DOCK1: variants seen among roughly 807,000 people sequenced by gnomAD.
DOCK1 encodes the protein dedicator of cytokinesis protein 1.
DOCK1 carries 138 observed loss-of-function variants against 262.7 expected under a neutral mutation model. The ratio of observed to expected loss-of-function variants is 0.53; its 90% CI spans 0.46 to 0.61. DOCK1 has a LOEUF of 0.61. Ranked by LOEUF, DOCK1 falls within the 20% of genes least tolerant of loss-of-function variation. The pLI, the probability that DOCK1 is intolerant of heterozygous loss-of-function variation, is 0.00. For synonymous variants in DOCK1, 866 were observed against 867.4 expected (o/e 1.00, Z 0.03); for missense variants, 1,908 against 2,370.7 (o/e 0.80, Z 4.05).
intron 23 of DOCK1, among the ~76,000 whole-genome samples, chr10:127,088,320 G>A (rs2047318413): frequency 6.6e-6 from 1 of 152,144 alleles, no homozygotes; most frequent in Non-Finnish European, 1.5e-5. Context: ...ACATTCTTCT[G>A]CAACAAAACA....
At chr10:127,261,292 TGTGG>T (rs2060089269) in intron 29 of DOCK1, among the ~76,000 whole-genome samples, 1 of 100,304 alleles carries the variant, frequency 1.0e-5, no homozygotes, top group African/African-American at 4.1e-5. Flanking sequence ...TGTGTGTGCA[TGTGG>T]GTGTGTGTGT....
intron 47 of DOCK1, among the ~76,000 whole-genome samples, chr10:127,426,506 A>C (rs2134555598): frequency 6.6e-6 from 1 of 152,346 alleles, no homozygotes; most frequent in African/African-American, 2.4e-5. Flanking sequence ...TGAAATTATT[A>C]GTGAAGATTT....
In DOCK1 at chr10:126,987,520, G is replaced by T; in HGVS notation, c.228-1G>T. On this transcript the variant is annotated splice_acceptor_variant, in intron 4 of 51. Coordinates refer to ENST00000623213, the MANE Select transcript of DOCK1 (RefSeq NM_001290223.2). LOFTEE classifies it high-confidence loss of function. ...GCTGCTCTTTCCTTCTTTCCTCCCA[G>T]GCAACATGAAACAGTCATCCCGGGT... The T allele has an allele frequency of 6.3e-7, 1 of 1,575,026 alleles. No homozygotes were observed.
At chr10:126,920,740 A>G (rs1333453585) in intron 1 of DOCK1, among the ~76,000 whole-genome samples, 2 of 152,226 alleles carry the variant, frequency 1.3e-5, no homozygotes, top group African/African-American at 2.4e-5. Context: ...TAAACCTAGA[A>G]CTACCATCTG....
At chr10:127,416,821 G>A (rs991110977) in intron 44 of DOCK1, among the ~76,000 whole-genome samples, 7 of 152,230 alleles carry the variant, frequency 4.6e-5, no homozygotes, top group African/African-American at 1.7e-4. Context: ...ATGTCGTAGG[G>A]CCTGGCAAAG....
intron 27 of DOCK1, among the ~76,000 whole-genome samples, chr10:127,215,959 A>C (rs1243081041): frequency 4.6e-5 from 7 of 152,004 alleles, no homozygotes; most frequent in African/African-American, 1.7e-4. Context: ...TGTGGTTCTG[A>C]ATATTCGTTT....
rs926089742 is a variant in DOCK1, at chr10:127,366,659, GC to G, written c.3432+4451del. On this transcript the variant is annotated intron_variant, in intron 33 of 51. Transcript: ENST00000623213. Reference sequence around the variant, plus strand: ...TGGTCTTCCTAAAGCACAAGGGATGGCCCCTATTGTCGGTGATGTGGGCGAA... The same window carrying G: ...TGGTCTTCCTAAAGCACAAGGGATGGCCCTATTGTCGGTGATGTGGGCGAA... Among the ~76,000 whole-genome samples the G allele has an allele frequency of 5.9e-4, 83 of 139,692 alleles. 1 individual carries two copies. Among genetic ancestry groups the G allele is most frequent in the African/African-American group, 2.0e-3 (74 of 36,912 alleles). The allele number at this position is 139,692 out of a possible 152,430, so 91.6% of individuals were successfully genotyped here.
At chr10:127,262,024 G>T (rs1381868398) in intron 29 of DOCK1, among the ~76,000 whole-genome samples, 1 of 111,958 alleles carries the variant, frequency 8.9e-6, no homozygotes, top group Non-Finnish European at 1.9e-5. Context: ...ACCTGCATGT[G>T]TGTGCATGTG....
At chr10:127,402,474 A>C (rs2067278000) in intron 38 of DOCK1, among the ~76,000 whole-genome samples, 1 of 152,234 alleles carries the variant, frequency 6.6e-6, no homozygotes, top group African/African-American at 2.4e-5. Flanking sequence ...TACCTTACAA[A>C]GTTCCCCCTT....
chr10:127,022,324 T>A (rs2042492212), intron 13 of DOCK1, among the ~76,000 whole-genome samples: 1 of 152,116 alleles, frequency 6.6e-6, no homozygotes, highest in Admixed American at 6.5e-5. Flanking sequence ...ATTCTTTTTT[T>A]CTTTATTTTT....
intron 21 of DOCK1, among the ~76,000 whole-genome samples, chr10:127,052,393 G>A (rs374435844): frequency 4.6e-5 from 7 of 152,102 alleles, no homozygotes; most frequent in Non-Finnish European, 8.8e-5. Flanking sequence ...GCGAGGCGGC[G>A]TGTGCCTATA....
At chr10:127,411,016 A>T in intron 43 of DOCK1, 92 bp downstream of exon 43, 1 of 1,200,498 alleles carries the variant, frequency 8.3e-7, no homozygotes, top group Non-Finnish European at 1.2e-6. Context: ...CCTCAGAGGC[A>T]GCCACGGAGC....
chr10:127,338,503 G>A (rs374868820), intron 29 of DOCK1, among the ~76,000 whole-genome samples: 1 of 152,146 alleles, frequency 6.6e-6, no homozygotes, highest in African/African-American at 2.4e-5. Context: ...GTCAAAATTA[G>A]CATGTGGAAA....
intron 28 of DOCK1, among the ~76,000 whole-genome samples, chr10:127,255,220 C>G (rs1014541910): frequency 6.6e-6 from 1 of 151,910 alleles, no homozygotes; most frequent in Non-Finnish European, 1.5e-5. Context: ...GGTAATATAG[C>G]AAGATGCCAT....
chr10:127,097,630 TC>T (rs1214197667), intron 23 of DOCK1, among the ~76,000 whole-genome samples: 1 of 151,966 alleles, frequency 6.6e-6, no homozygotes, highest in African/African-American at 2.4e-5. Flanking sequence ...AATCAGACCG[TC>T]CCCCCACTGG....
intron 7 of DOCK1, among the ~76,000 whole-genome samples, chr10:126,997,423 CTTATAA>C (rs2040283618): frequency 6.6e-6 from 1 of 152,006 alleles, no homozygotes; most frequent in African/African-American, 2.4e-5. Flanking sequence ...CCTCAGGAAT[CTTATAA>C]TTATGGTGGA....
At chr10:127,078,356 C>T (rs2046692463) in intron 23 of DOCK1, among the ~76,000 whole-genome samples, 1 of 151,978 alleles carries the variant, frequency 6.6e-6, no homozygotes. Context: ...GTGGCTCTTA[C>T]AAGGAGCCCC....
At chr10:127,106,938 CAA>C (rs2048563183) in intron 24 of DOCK1, among the ~76,000 whole-genome samples, 1 of 151,992 alleles carries the variant, frequency 6.6e-6, no homozygotes, top group Non-Finnish European at 1.5e-5. Flanking sequence ...CCATTGTGAG[CAA>C]ATGGGATACA....
intron 27 of DOCK1, among the ~76,000 whole-genome samples, chr10:127,128,859 G>T (rs578139090): frequency 1.3e-4 from 20 of 152,294 alleles, no homozygotes; most frequent in African/African-American, 4.3e-4. Context: ...GCCCATCAAA[G>T]ATAGACTGGA....
Sources: allele counts gnomAD v4.1 joint callset (sites outside exome capture counted in the v4.1 genomes callset), GRCh38; gene constraint gnomAD v4.1.1; transcripts MANE v1.5; gene names NCBI Gene and HGNC (gene_info 2026-07-23, HGNC 2026-07-21).